The following CNGB3 variants were observed in gnomAD, a reference collection of about 807,000 sequenced individuals.
CNGB3 encodes the protein cyclic nucleotide gated channel subunit beta 3.
CNGB3 carries 86 observed loss-of-function variants against 92.8 expected under a neutral mutation model. The ratio of observed to expected loss-of-function variants is 0.93; its 90% CI spans 0.78 to 1.11. The LOEUF is 1.11. CNGB3 is among the 50% of genes least tolerant of loss of function. The probability of loss-of-function intolerance (pLI) is 0.00; values close to 1 mark genes in which losing one functional copy is unlikely to be tolerated. For synonymous variants in CNGB3, 333 were observed against 332.7 expected (o/e 1.00, Z -0.01); for missense variants, 1,026 against 956.8 (o/e 1.07, Z -0.95).
At chr8:86,634,086 T>C (rs1823016155) in intron 10 of CNGB3, among the ~76,000 whole-genome samples, 1 of 152,138 alleles carries the variant, frequency 6.6e-6, no homozygotes, top group Admixed American at 6.6e-5. Flanking sequence ...GAGAAAAGAA[T>C]ATGATAAGGA....
chr8:86,576,400 T>A (rs940840401), intron 17 of CNGB3, among the ~76,000 whole-genome samples: 24 of 152,244 alleles, frequency 1.6e-4, no homozygotes, highest in African/African-American at 5.8e-4. Context: ...TTGGTCCTTA[T>A]ACTCTCTGAA....
At chr8:86,586,457 C>T (rs4022375) in intron 15 of CNGB3, among the ~76,000 whole-genome samples, 1 of 143,778 alleles carries the variant, frequency 7.0e-6, no homozygotes, top group Non-Finnish European at 1.5e-5. Flanking sequence ...TCTAGCATTA[C>T]GTATATCTCC....
intron 3 of CNGB3, among the ~76,000 whole-genome samples, chr8:86,679,959 G>A (rs1316613110): frequency 2.0e-5 from 3 of 152,216 alleles, no homozygotes; most frequent in Non-Finnish European, 4.4e-5. Flanking sequence ...GAAGAGAGGC[G>A]GCTTCACCAG....
In CNGB3 at chr8:86,625,971, A is replaced by G. The variant is rs748792312; in HGVS notation, c.1578+12T>C. On this transcript the variant is annotated intron_variant, in intron 13 of 17. Transcript: ENST00000320005. Reference sequence around the variant, plus strand: ...AATAGATACAGAGTCTATTAATTGTAAAAGCACTTGCCTTGAACAAGTCGA... The same window carrying G: ...AATAGATACAGAGTCTATTAATTGTGAAAGCACTTGCCTTGAACAAGTCGA... 5 of 1,603,288 alleles carry G rather than the reference A, an allele frequency of 3.1e-6. No individual in the cohort carries two copies. In the Admixed American group the frequency reaches 5.0e-5, roughly 16 times the overall value.
intron 3 of CNGB3, among the ~76,000 whole-genome samples, chr8:86,679,570 G>A (rs1391413056): frequency 6.6e-6 from 1 of 151,726 alleles, no homozygotes; most frequent in Non-Finnish European, 1.5e-5. Flanking sequence ...CTGTCACCCA[G>A]GCTGGAGTGC....
In CNGB3 at chr8:86,578,924, TA is replaced by T; in HGVS notation, c.1929-62del. The T allele has an allele frequency of 3.7e-6, 6 of 1,603,420 alleles. No homozygotes were observed. The South Asian group carries it at 4.4e-5, about 12-fold the overall frequency. On this transcript the variant is annotated intron_variant, in intron 16 of 17. Coordinates refer to ENST00000320005, the MANE Select transcript of CNGB3 (RefSeq NM_019098.5). Reference sequence around the variant, plus strand: ...CTGTGAGAGTTCTGGCAAAATCTACTAAAAAAACTGCAATTTATCCTAACCT... The same window carrying T: ...CTGTGAGAGTTCTGGCAAAATCTACTAAAAAACTGCAATTTATCCTAACCT...
chr8:86,620,999 A>G (rs1040904805), intron 13 of CNGB3, among the ~76,000 whole-genome samples: 6 of 152,226 alleles, frequency 3.9e-5, no homozygotes, highest in Admixed American at 1.3e-4. Flanking sequence ...GAATGAATCT[A>G]AGTTATACAC....
At chr8:86,586,231 TG>T (rs1470271252) in intron 15 of CNGB3, among the ~76,000 whole-genome samples, 1 of 152,210 alleles carries the variant, frequency 6.6e-6, no homozygotes, top group African/African-American at 2.4e-5. Context: ...TCAAGCTGTT[TG>T]TAATCTAGGC....
At chr8:86,682,612 T>C (rs565238246) in intron 3 of CNGB3, among the ~76,000 whole-genome samples, 1 of 152,240 alleles carries the variant, frequency 6.6e-6, no homozygotes, top group South Asian at 2.1e-4. Context: ...GCTTCTTTCA[T>C]AGCGATGCCA....
chr8:86,742,288 T>C (rs1006116211), intron 1 of CNGB3, among the ~76,000 whole-genome samples: 4 of 152,224 alleles, frequency 2.6e-5, no homozygotes, highest in African/African-American at 9.6e-5. Context: ...TCAATATTTG[T>C]GACATTGTAT....
intron 10 of CNGB3, among the ~76,000 whole-genome samples, chr8:86,635,016 C>G (rs1823036218): frequency 6.6e-6 from 1 of 150,504 alleles, no homozygotes; most frequent in Non-Finnish European, 1.5e-5. Flanking sequence ...AAATAATGAA[C>G]TCTTTGGTAG....
chr8:86,734,849 C>T (rs1825217738), intron 2 of CNGB3, among the ~76,000 whole-genome samples: 1 of 152,154 alleles, frequency 6.6e-6, no homozygotes, highest in East Asian at 1.9e-4. Flanking sequence ...GATTTACCAA[C>T]CTCAATGCTA....
At chr8:86,591,410 G>A (rs1822032575) in intron 15 of CNGB3, among the ~76,000 whole-genome samples, 1 of 151,834 alleles carries the variant, frequency 6.6e-6, no homozygotes, top group South Asian at 2.1e-4. Flanking sequence ...GAGGAGGAGA[G>A]GCACTCTGAT....
chr8:86,615,668 A>G (rs1822606008), intron 13 of CNGB3, among the ~76,000 whole-genome samples: 1 of 152,164 alleles, frequency 6.6e-6, no homozygotes, highest in African/African-American at 2.4e-5. Flanking sequence ...ATATTTAAAT[A>G]TATGATTAAA....
At chr8:86,593,508 A>G (rs1019519835) in intron 15 of CNGB3, among the ~76,000 whole-genome samples, 1 of 152,164 alleles carries the variant, frequency 6.6e-6, no homozygotes, top group Non-Finnish European at 1.5e-5. Flanking sequence ...TTATTTTCCT[A>G]TGTAATGACC....
chr8:86,708,897 G>T (rs957084393), intron 3 of CNGB3, among the ~76,000 whole-genome samples: 11 of 152,098 alleles, frequency 7.2e-5, no homozygotes, highest in African/African-American at 2.7e-4. Flanking sequence ...AGATTCAGAA[G>T]AACATGGGAG....
rs1000519937 is a variant in CNGB3, at chr8:86,574,526, G to A, written c.*1278C>T. On this transcript the variant is annotated 3_prime_UTR_variant, in exon 18 of 18. Transcript: ENST00000320005. ...CTATCAAATGATGCAGTTTATTATA[G>A]TGATTGATTTGTACATGGTTTGCTA... 1 of 152,136 alleles carries A rather than the reference G, an allele frequency of 6.6e-6. No homozygotes were observed. Among genetic ancestry groups the A allele is most frequent in the Non-Finnish European group, 1.5e-5 (1 of 68,018 alleles). The allele number at this position is 152,136 out of a possible 1,614,324, so 9.4% of individuals were successfully genotyped here. A position where few individuals can be genotyped will look rare whatever the true frequency, so the allele number is the denominator to read the frequency against.
chr8:86,628,881 G>A (rs1176295590), intron 12 of CNGB3, 38 bp downstream of exon 12: 1 of 1,608,852 alleles, frequency 6.2e-7, no homozygotes, highest in African/African-American at 1.3e-5. Flanking sequence ...CATATGACAA[G>A]GTTTACAGGA....
At chr8:86,583,034 T>C (rs1821821370) in intron 15 of CNGB3, among the ~76,000 whole-genome samples, 1 of 3,330 alleles carries the variant, frequency 3.0e-4, no homozygotes, top group African/African-American at 4.2e-3. Flanking sequence ...TTCCTGTAGC[T>C]GGGATTACAG....
Sources: allele counts gnomAD v4.1 joint callset (sites outside exome capture counted in the v4.1 genomes callset), GRCh38; gene constraint gnomAD v4.1.1; transcripts MANE v1.5; gene names NCBI Gene and HGNC (gene_info 2026-07-23, HGNC 2026-07-21).